Variants in DGKB observed in about 807,000 individuals in gnomAD.
DGKB encodes 90 kDa diacylglycerol kinase.
A neutral mutation model predicts 114.3 loss-of-function variants in DGKB; 67 were observed. The ratio of observed to expected loss-of-function variants is 0.59; its 90% CI spans 0.48 to 0.72. The LOEUF is 0.72. DGKB is among the 30% of genes least tolerant of loss of function. The pLI is 0.00. For synonymous variants in DGKB, 398 were observed against 323.1 expected (o/e 1.23, Z -2.49); for missense variants, 907 against 975.2 (o/e 0.93, Z 0.93).
At position 14,163,305 on chromosome 7, in the gene DGKB, C is replaced by G. The variant is rs546401830; in HGVS notation, c.2304+13534G>C. Among the ~76,000 whole-genome samples the G allele has an allele frequency of 2.0e-5, 3 of 151,784 alleles. No individual in the cohort carries two copies. In the South Asian group the frequency reaches 6.3e-4, roughly 32 times the overall value. ...ACATCTTAACATTGTTGCTTGAGGG[C>G]CAGAAAGCATACAAGCAGTAAATTG... On this transcript the variant is annotated intron_variant, in intron 25 of 25. Coordinates refer to ENST00000402815, the MANE Select transcript of DGKB (RefSeq NM_001350709.2).
chr7:14,957,116 T>G (rs1786550725), intron 1 of DGKB, among the ~76,000 whole-genome samples: 2 of 152,002 alleles, frequency 1.3e-5, no homozygotes, highest in South Asian at 4.1e-4. Context: ...GTTTAGCATC[T>G]AATTAAATCG....
chr7:14,772,285 G>T (rs2128473640), intron 2 of DGKB, among the ~76,000 whole-genome samples: 1 of 152,190 alleles, frequency 6.6e-6, no homozygotes, highest in South Asian at 2.1e-4. Flanking sequence ...TTCATTGACA[G>T]CAAGTAGGTA....
chr7:14,344,508 A>G (rs528623732), intron 22 of DGKB, among the ~76,000 whole-genome samples: 1 of 151,712 alleles, frequency 6.6e-6, no homozygotes, highest in Non-Finnish European at 1.5e-5. Context: ...TTTTAAAATG[A>G]AAAGTGTTGA....
chr7:14,244,821 A>G (rs888061213), intron 23 of DGKB, among the ~76,000 whole-genome samples: 1 of 151,882 alleles, frequency 6.6e-6, no homozygotes, highest in Non-Finnish European at 1.5e-5. Flanking sequence ...TCTCTTCTCT[A>G]TGAAAAGTGG....
intron 1 of DGKB, among the ~76,000 whole-genome samples, chr7:14,866,912 C>T (rs1302242286): frequency 6.6e-6 from 1 of 152,148 alleles, no homozygotes; most frequent in Non-Finnish European, 1.5e-5. Flanking sequence ...GTGTTCCAGA[C>T]TTTGGCCATT....
rs147120782 is a variant in DGKB, at chr7:14,185,530, A to G, written c.2123-7379T>C. 2.0e-3 allele frequency among the ~76,000 whole-genome samples: 301 copies of G among 152,314 alleles called. 1 individual carries two copies. The highest frequency in any genetic ancestry group is 3.2e-3 in the Non-Finnish European group (218 of 68,016). Reference sequence around the variant, plus strand: ...TAGAAAAAAAAATTCTAAAAATCATATAGAACCAAAAAAGAGCCCACATAG... The same window carrying G: ...TAGAAAAAAAAATTCTAAAAATCATGTAGAACCAAAAAAGAGCCCACATAG... On this transcript the variant is annotated intron_variant, in intron 23 of 25. Coordinates refer to ENST00000402815, the MANE Select transcript of DGKB (RefSeq NM_001350709.2).
Position 14,940,875 on chromosome 7 carries a change from A to G in DGKB, c.-188+33821T>C, listed in dbSNP as rs146539383. Reference sequence around the variant, plus strand: ...ATACGTAGCTTTGGACAGTGAGATGAGATTCCAAGTATTTTATTTTATGAA... The same window carrying G: ...ATACGTAGCTTTGGACAGTGAGATGGGATTCCAAGTATTTTATTTTATGAA... On this transcript the variant is annotated intron_variant, in intron 1 of 4. Coordinates refer to the DGKB transcript ENST00000437998. 3.6e-3 allele frequency among the ~76,000 whole-genome samples: 542 copies of G among 152,162 alleles called. 3 individuals are homozygous for G. The highest frequency in any genetic ancestry group is 0.01 in the Middle Eastern group (3 of 294).
intron 17 of DGKB, among the ~76,000 whole-genome samples, chr7:14,600,976 T>C (rs890246264): frequency 1.3e-5 from 2 of 152,136 alleles, no homozygotes; most frequent in Non-Finnish European, 2.9e-5. Flanking sequence ...ATTGTCCTAG[T>C]GGAGGCTCTC....
chr7:14,325,645 T>C (rs1351222054), intron 23 of DGKB, among the ~76,000 whole-genome samples: 1 of 152,152 alleles, frequency 6.6e-6, no homozygotes, highest in African/African-American at 2.4e-5. Context: ...AATTCTTCAT[T>C]AGAACAGGTT....
intron 1 of DGKB, among the ~76,000 whole-genome samples, chr7:14,919,803 T>G (rs998855944): frequency 5.9e-5 from 9 of 152,170 alleles, no homozygotes; most frequent in Non-Finnish European, 1.3e-4. Context: ...GAGTTCTCAC[T>G]CCATTAGTTC....
At chr7:14,700,388 AT>A (rs1373789025) in intron 7 of DGKB, among the ~76,000 whole-genome samples, 9 of 151,788 alleles carry the variant, frequency 5.9e-5, no homozygotes, top group African/African-American at 2.2e-4. Context: ...TAATTTTTGT[AT>A]TTTTAGTAGA....
intron 23 of DGKB, among the ~76,000 whole-genome samples, chr7:14,295,872 A>G (rs983652072): frequency 6.6e-6 from 1 of 151,862 alleles, no homozygotes; most frequent in Non-Finnish European, 1.5e-5. Flanking sequence ...CAACCCAGAC[A>G]GGCCCCAGTG....
At chr7:14,380,237 TATAA>T (rs751270478) in intron 21 of DGKB, among the ~76,000 whole-genome samples, 151 of 151,364 alleles carry the variant, frequency 1.0e-3, no homozygotes, top group Non-Finnish European at 1.9e-3. Flanking sequence ...AAAATAAATA[TATAA>T]ATAAATAAAT....
intron 23 of DGKB, among the ~76,000 whole-genome samples, chr7:14,267,049 T>G: frequency 6.6e-6 from 1 of 152,222 alleles, no homozygotes; most frequent in East Asian, 1.9e-4. Flanking sequence ...AAGATGTTTG[T>G]GAATGAATAC....
intron 21 of DGKB, among the ~76,000 whole-genome samples, chr7:14,352,793 C>A (rs138497689): frequency 6.6e-6 from 1 of 151,858 alleles, no homozygotes; most frequent in African/African-American, 2.4e-5. Context: ...CGTGGTGGCG[C>A]GTGCCTATAA....
At chr7:14,224,367 G>C (rs1188357666) in intron 23 of DGKB, among the ~76,000 whole-genome samples, 2 of 151,750 alleles carry the variant, frequency 1.3e-5, no homozygotes, top group African/African-American at 4.8e-5. Flanking sequence ...ATAATGTATT[G>C]ATAGCATTTA....
At position 14,762,324 on chromosome 7, in the gene DGKB, C is replaced by T. The variant is rs1226671498; in HGVS notation, c.71-4593G>A. Among the ~76,000 whole-genome samples, 4 of 151,988 alleles carry T rather than the reference C, an allele frequency of 2.6e-5. 1 individual carries two copies. In the East Asian group the frequency reaches 7.7e-4, roughly 29 times the overall value. ...TCTGGTACTTGAGTAATTCCAGGGG[C>T]CCCCCAAAATGCACACACCCTGTCA... On this transcript the variant is annotated intron_variant, in intron 2 of 25. Coordinates refer to ENST00000402815, the MANE Select transcript of DGKB (RefSeq NM_001350709.2).
chr7:14,500,793 T>G (rs1173180141), intron 20 of DGKB, among the ~76,000 whole-genome samples: 1 of 151,718 alleles, frequency 6.6e-6, no homozygotes, highest in Non-Finnish European at 1.5e-5. Flanking sequence ...AAAAGTGTTA[T>G]CGAGGGCTAG....
chr7:14,335,298 A>C (rs1810447600), intron 23 of DGKB, among the ~76,000 whole-genome samples: 1 of 152,184 alleles, frequency 6.6e-6, no homozygotes, highest in Non-Finnish European at 1.5e-5. Flanking sequence ...TTAAATTAAA[A>C]TAAAAGGGTA....
Sources: allele counts gnomAD v4.1 joint callset (sites outside exome capture counted in the v4.1 genomes callset), GRCh38; gene constraint gnomAD v4.1.1; transcripts MANE v1.5; gene names NCBI Gene and HGNC (gene_info 2026-07-23, HGNC 2026-07-21).